The following ADAM32 variants were observed in gnomAD, a reference collection of about 807,000 sequenced individuals.
ADAM32 encodes ADAM metallopeptidase domain 32, also known as disintegrin and metalloproteinase domain-containing protein 32.
A neutral mutation model predicts 114.9 loss-of-function variants in ADAM32; 89 were observed. The ratio of observed to expected loss-of-function variants is 0.77; its 90% CI spans 0.65 to 0.92. ADAM32 has a LOEUF of 0.92. Ranked by LOEUF, ADAM32 falls within the 40% of genes least tolerant of loss-of-function variation. ADAM32 has a pLI of 0.00. For missense variants in ADAM32, 870 were observed against 932.8 expected (o/e 0.93, Z 0.88); for synonymous variants, 285 against 307.5 (o/e 0.93, Z 0.77).
intron 3 of ADAM32, among the ~76,000 whole-genome samples, chr8:39,141,629 A>G (rs1803159987): frequency 6.6e-6 from 1 of 152,186 alleles, no homozygotes. Context: ...CAATTTTAGA[A>G]TAAGTGTGAT....
At chr8:39,214,627 A>G (rs527609781) in intron 12 of ADAM32, among the ~76,000 whole-genome samples, 1 of 152,072 alleles carries the variant, frequency 6.6e-6, no homozygotes, top group South Asian at 2.1e-4. Flanking sequence ...ATTTCCTCCC[A>G]TTCTGTGGGT....
chr8:39,205,871 C>G (rs1206472136), intron 11 of ADAM32, among the ~76,000 whole-genome samples: 2 of 152,110 alleles, frequency 1.3e-5, no homozygotes, highest in Non-Finnish European at 2.9e-5. Context: ...TCAGACGTTT[C>G]ATAGATTTCT....
At chr8:39,112,698 A>G (rs12541095) in intron 1 of ADAM32, among the ~76,000 whole-genome samples, 42,591 of 151,960 alleles carry the variant, frequency 0.28, 5,921 homozygotes, top group Middle Eastern at 0.33. Flanking sequence ...AACTATCACC[A>G]CCCCCTTGCC....
chr8:39,182,032 C>A (rs562082190), intron 10 of ADAM32, among the ~76,000 whole-genome samples: 1 of 152,002 alleles, frequency 6.6e-6, no homozygotes, highest in South Asian at 2.1e-4. Flanking sequence ...TTTTGAAGAA[C>A]GACAAAGTTG....
At chr8:39,139,130 G>A (rs913685737) in intron 3 of ADAM32, among the ~76,000 whole-genome samples, 16 of 152,138 alleles carry the variant, frequency 1.1e-4, no homozygotes, top group African/African-American at 3.4e-4. Context: ...TAGGTTGCCT[G>A]TTCACTCTGA....
chr8:39,206,317 C>T (rs1182695475), intron 11 of ADAM32, among the ~76,000 whole-genome samples: 1 of 152,170 alleles, frequency 6.6e-6, no homozygotes, highest in Non-Finnish European at 1.5e-5. Flanking sequence ...CATAGAAAGG[C>T]ACCAGTGATG....
At chr8:39,130,939 C>T in intron 2 of ADAM32, 1 of 427,886 alleles carries the variant, frequency 2.3e-6, no homozygotes, top group Non-Finnish European at 4.6e-6. Context: ...TTTTGGGAGA[C>T]TGAGGCAGGA....
intron 11 of ADAM32, among the ~76,000 whole-genome samples, chr8:39,203,991 T>C (rs1220903874): frequency 1.3e-5 from 2 of 152,190 alleles, no homozygotes; most frequent in African/African-American, 2.4e-5. Flanking sequence ...GAGTTTCTGC[T>C]GAGAGATCCG....
chr8:39,230,042 G>A (rs1809639269), intron 14 of ADAM32, among the ~76,000 whole-genome samples: 1 of 152,098 alleles, frequency 6.6e-6, no homozygotes, highest in Non-Finnish European at 1.5e-5. Flanking sequence ...TTGCCCTGGT[G>A]CCATCCATGC....
chr8:39,165,372 A>C (rs1804764860), intron 9 of ADAM32, 176 bp downstream of exon 9: 1 of 509,160 alleles, frequency 2.0e-6, no homozygotes, highest in African/African-American at 2.0e-5. Flanking sequence ...AACTTTACTA[A>C]CATTTATTTC....
chr8:39,160,539 C>CAAA lies in ADAM32; in HGVS notation c.526-329_526-327dup, dbSNP rs71218314. Among the ~76,000 whole-genome samples the CAAA allele has an allele frequency of 2.9e-5, 2 of 68,388 alleles. 1 individual carries two copies. The highest frequency in any genetic ancestry group is 1.3e-4 in the African/African-American group (2 of 15,488). 44.9% of individuals were successfully genotyped at this position (68,388 alleles called of 152,430 possible). On this transcript the variant is annotated intron_variant, in intron 6 of 24. Coordinates refer to ENST00000379907, the MANE Select transcript of ADAM32 (RefSeq NM_145004.7). The stretch of plus-strand genomic sequence containing the variant: ...TGGGCGACAGAGCGAGACTCCATCT[C>CAAA]AAAAAAAAAAAAAAAAAAAAAAAAA...
At chr8:39,167,295 A>G (rs954789283) in intron 9 of ADAM32, 3 of 152,194 alleles carry the variant, frequency 2.0e-5, no homozygotes, top group Admixed American at 6.5e-5. Flanking sequence ...TTTGTTGAAT[A>G]GGGTGTCCTC....
intron 19 of ADAM32, among the ~76,000 whole-genome samples, chr8:39,269,146 C>T (rs1812551645): frequency 6.6e-6 from 1 of 152,192 alleles, no homozygotes; most frequent in East Asian, 1.9e-4. Context: ...GTGTTCTGCC[C>T]TGTGAACCCT....
chr8:39,163,448 G>A (rs1418827114), intron 7 of ADAM32, among the ~76,000 whole-genome samples: 1 of 109,936 alleles, frequency 9.1e-6, no homozygotes, highest in Non-Finnish European at 1.9e-5. Flanking sequence ...CCAGATTGCT[G>A]GTGGGAAAAT....
chr8:39,164,882 A>G, intron 8 of ADAM32, 47 bp downstream of exon 8: 1 of 1,557,002 alleles, frequency 6.4e-7, no homozygotes, highest in Non-Finnish European at 8.8e-7. Context: ...TTTTGAAATG[A>G]TAATTTGCCT....
chr8:39,192,777 T>C (rs1443271580), intron 11 of ADAM32, among the ~76,000 whole-genome samples: 1 of 152,220 alleles, frequency 6.6e-6, no homozygotes, highest in Non-Finnish European at 1.5e-5. Flanking sequence ...CTTATGAAGC[T>C]TAGTTTGGCC....
intron 17 of ADAM32, among the ~76,000 whole-genome samples, chr8:39,247,720 T>G (rs540402202): frequency 6.6e-6 from 1 of 151,880 alleles, no homozygotes; most frequent in Non-Finnish European, 1.5e-5. Flanking sequence ...ATTTCTTTCA[T>G]AGATTGTGCC....
At chr8:39,244,104 A>G (rs1468640674) in intron 16 of ADAM32, among the ~76,000 whole-genome samples, 1 of 152,224 alleles carries the variant, frequency 6.6e-6, no homozygotes, top group East Asian at 1.9e-4. Flanking sequence ...AACATTGCTG[A>G]AAGAAATTAT....
intron 2 of ADAM32, among the ~76,000 whole-genome samples, 163 bp from the exon 3 acceptor site, chr8:39,136,494 T>C (rs1384609843): frequency 6.6e-6 from 1 of 152,216 alleles, no homozygotes; most frequent in Non-Finnish European, 1.5e-5. Flanking sequence ...TAAGTAAATA[T>C]TAAATTTTTT....
Sources: gnomAD v4.1 joint callset for allele counts (sites outside exome capture counted in the v4.1 genomes callset) on GRCh38, gnomAD v4.1.1 for gene constraint, MANE v1.5 for transcripts, NCBI Gene and HGNC (gene_info 2026-07-23, HGNC 2026-07-21) for gene names.